TMEM135: variants seen among roughly 807,000 people sequenced by gnomAD.
The protein encoded by TMEM135 is transmembrane protein 135, also known as peroxisomal membrane protein 52.
In TMEM135, 30 loss-of-function variants were observed where a neutral mutation model predicts 60.3. That is an observed-to-expected ratio of 0.50 (90% confidence interval 0.37 to 0.68). TMEM135 has a LOEUF of 0.68. Among genes scored for constraint, TMEM135 ranks in the 30% least tolerant of loss-of-function variants. The pLI, the probability that TMEM135 is intolerant of heterozygous loss-of-function variation, is 0.00. For missense variants in TMEM135, 468 were observed against 548.8 expected, an observed-to-expected ratio of 0.85 and a Z score of 1.47; for synonymous variants, 190 against 186.7, an observed-to-expected ratio of 1.02 and a Z score of -0.14.
In TMEM135 at chr11:87,321,444, A is replaced by G. The variant is rs752050869; in HGVS notation, c.*111A>G. On this transcript the variant is annotated 3_prime_UTR_variant, in exon 15 of 15. Coordinates refer to ENST00000305494, the MANE Select transcript of TMEM135 (RefSeq NM_022918.4). Reference sequence around the variant, plus strand: ...AACTTCAGTGTTATTTCAGTTAGAGATACTCTTTTCATTTGTTTTGTTTTT... The same window carrying G: ...AACTTCAGTGTTATTTCAGTTAGAGGTACTCTTTTCATTTGTTTTGTTTTT... The G allele has an allele frequency of 4.3e-5, 50 of 1,170,452 alleles. No homozygotes were observed. Among genetic ancestry groups the G allele is most frequent in the Non-Finnish European group, 6.1e-5 (48 of 788,274 alleles). 72.5% of individuals were successfully genotyped at this position (1,170,452 alleles called of 1,614,324 possible).
chr11:87,238,836 A>G (rs1334038787), intron 6 of TMEM135, among the ~76,000 whole-genome samples: 1 of 152,086 alleles, frequency 6.6e-6, no homozygotes, highest in Non-Finnish European at 1.5e-5. Context: ...TGACATACAC[A>G]AGAAGAAAGT....
intron 5 of TMEM135, among the ~76,000 whole-genome samples, chr11:87,181,068 C>T (rs1939501779): frequency 6.6e-6 from 1 of 152,136 alleles, no homozygotes; most frequent in Non-Finnish European, 1.5e-5. Context: ...TCAGAGCAAA[C>T]ACTTTTGAAG....
chr11:87,207,808 C>G (rs301593), intron 5 of TMEM135, among the ~76,000 whole-genome samples: 79,467 of 151,990 alleles, frequency 0.52, 21,986 homozygotes, highest in East Asian at 0.73. Context: ...TATGCCCATG[C>G]CTCCCCTGCC....
chr11:87,090,905 A>G (rs897362872), intron 3 of TMEM135, among the ~76,000 whole-genome samples: 7 of 152,102 alleles, frequency 4.6e-5, no homozygotes, highest in Non-Finnish European at 8.8e-5. Flanking sequence ...TTAATGAAAC[A>G]ATTGTATTGT....
At chr11:87,303,510 C>T (rs11600803) in intron 8 of TMEM135, among the ~76,000 whole-genome samples, 14,713 of 152,146 alleles carry the variant, frequency 0.097, 952 homozygotes, top group Non-Finnish European at 0.13. Context: ...TAACTTTGGA[C>T]GAGAGATTTA....
At chr11:87,270,995 A>G (rs1167197631) in intron 6 of TMEM135, among the ~76,000 whole-genome samples, 1 of 152,104 alleles carries the variant, frequency 6.6e-6, no homozygotes. Context: ...AGATTCAGAT[A>G]ATAAATACCT....
At chr11:87,116,984 G>A (rs1243096444) in intron 4 of TMEM135, among the ~76,000 whole-genome samples, 1 of 151,874 alleles carries the variant, frequency 6.6e-6, no homozygotes, top group Non-Finnish European at 1.5e-5. Flanking sequence ...CACCACACAT[G>A]GCTAATTTTT....
At chr11:87,184,839 C>G (rs957045356) in intron 5 of TMEM135, among the ~76,000 whole-genome samples, 1 of 152,098 alleles carries the variant, frequency 6.6e-6, no homozygotes, top group South Asian at 2.1e-4. Context: ...TATTAACACA[C>G]GTTGGTTTAC....
At chr11:87,293,094 G>C (rs1488899082) in intron 6 of TMEM135, among the ~76,000 whole-genome samples, 1 of 152,122 alleles carries the variant, frequency 6.6e-6, no homozygotes, top group African/African-American at 2.4e-5. Context: ...CCAGTCAATA[G>C]ACCCCTTAAC....
chr11:87,191,926 C>T (rs1453412649), intron 5 of TMEM135, among the ~76,000 whole-genome samples: 1 of 148,870 alleles, frequency 6.7e-6, no homozygotes, highest in Non-Finnish European at 1.5e-5. Context: ...GGACGTGGGG[C>T]ATTTTTTTGA....
intron 5 of TMEM135, among the ~76,000 whole-genome samples, chr11:87,229,293 A>G (rs1940835610): frequency 6.6e-6 from 1 of 152,172 alleles, no homozygotes; most frequent in Non-Finnish European, 1.5e-5. Flanking sequence ...AAAATAAAGC[A>G]TACGAAAAAG....
chr11:87,038,823 C>G (rs1949727106), intron 1 of TMEM135, among the ~76,000 whole-genome samples: 1 of 151,846 alleles, frequency 6.6e-6, no homozygotes, highest in African/African-American at 2.4e-5. Flanking sequence ...GTTAGGACAT[C>G]TGACTTTGTG....
intron 4 of TMEM135, among the ~76,000 whole-genome samples, chr11:87,114,437 A>G (rs1857826937): frequency 6.6e-6 from 1 of 152,178 alleles, no homozygotes; most frequent in Non-Finnish European, 1.5e-5. Flanking sequence ...AAACAATTAC[A>G]AGCTCCGTAA....
chr11:87,047,306 G>T (rs1055723452), intron 1 of TMEM135, among the ~76,000 whole-genome samples: 2 of 152,112 alleles, frequency 1.3e-5, no homozygotes, highest in African/African-American at 4.8e-5. Flanking sequence ...GTGTATTTTG[G>T]GAGGAGCCAA....
chr11:87,095,951 G>A (rs1343278042), intron 4 of TMEM135: 1 of 160,760 alleles, frequency 6.2e-6, no homozygotes, highest in African/African-American at 2.5e-5. Context: ...ACTCCAGCCT[G>A]GGCAACAGAG....
chr11:87,238,674 T>C (rs1174773897), intron 6 of TMEM135, among the ~76,000 whole-genome samples: 1 of 152,100 alleles, frequency 6.6e-6, no homozygotes, highest in African/African-American at 2.4e-5. Flanking sequence ...AAAAACTTCT[T>C]AATTGTATTC....
In TMEM135 at chr11:87,312,315, T is replaced by C. The variant is rs1249610614; in HGVS notation, c.937-1110T>C. ...TTTTATAATATACATTTTTAATGTA[T>C]CAGCCAATCTTCAAGTAATGTTATA... On this transcript the variant is annotated intron_variant, in intron 10 of 14. Transcript: ENST00000305494. 3.9e-5 allele frequency among the ~76,000 whole-genome samples: 6 copies of C among 151,932 alleles called. No homozygotes were observed. In the South Asian group the frequency reaches 1.0e-3, roughly 26 times the overall value.
intron 1 of TMEM135, among the ~76,000 whole-genome samples, chr11:87,057,817 T>G (rs2512331): frequency 0.014 from 2,136 of 149,342 alleles, 27 homozygotes; most frequent in African/African-American, 0.028. Flanking sequence ...GTGTGTGTGT[T>G]TGTGTGTGTG....
intron 4 of TMEM135, among the ~76,000 whole-genome samples, chr11:87,154,315 C>T (rs1225575392): frequency 2.6e-5 from 4 of 152,158 alleles, no homozygotes; most frequent in Non-Finnish European, 5.9e-5. Context: ...GAATTTCATT[C>T]TTTTCTAAGT....
Sources: allele counts gnomAD v4.1 joint callset (sites outside exome capture counted in the v4.1 genomes callset), GRCh38; gene constraint gnomAD v4.1.1; transcripts MANE v1.5; gene names NCBI Gene and HGNC (gene_info 2026-07-23, HGNC 2026-07-21).